Variants in CATSPER4 observed in about 807,000 individuals in gnomAD.
CATSPER4 encodes the protein cation channel sperm associated 4.
Under a neutral mutation model 54.4 loss-of-function variants are expected in CATSPER4, and 46 were observed. The observed-to-expected ratio is 0.84, with a 90% CI of 0.67 to 1.08. The LOEUF (loss-of-function observed/expected upper bound fraction) is 1.08, where lower values mean the gene tolerates loss of function less well. Ranked by LOEUF, CATSPER4 falls within the 50% of genes least tolerant of loss-of-function variation. The probability of loss-of-function intolerance (pLI) is 0.00; values close to 1 mark genes in which losing one functional copy is unlikely to be tolerated. For synonymous variants in CATSPER4, 230 were observed against 231.9 expected, an observed-to-expected ratio of 0.99 and a Z score of 0.08; for missense variants, 574 against 612.8, an observed-to-expected ratio of 0.94 and a Z score of 0.67.
In CATSPER4 at chr1:26,190,646, G is replaced by C. The variant is rs755698319; in HGVS notation, c.19G>C (p.Ala7Pro). MRDNEK[A>P]WWQQWTSHTG... ...AGCAAACATGAGGGATAATGAAAAG[G>C]CCTGGTGGCAGCAATGGACCTCCCA... Residue 7 changes from alanine to proline, a missense_variant, in exon 1 of 10, where the codon GCC becomes CCC. Ala to Pro is a conservative substitution (Grantham distance 27). Coordinates refer to ENST00000456354, the MANE Select transcript of CATSPER4 (RefSeq NM_198137.2). The C allele has an allele frequency of 3.7e-6, 6 of 1,605,008 alleles. No homozygotes were observed. The East Asian group carries it at 1.1e-4, about 30-fold the overall frequency.
intron 4 of CATSPER4, 51 bp downstream of exon 4, chr1:26,197,834 A>C: frequency 6.2e-7 from 1 of 1,604,534 alleles, no homozygotes; most frequent in Non-Finnish European, 8.5e-7. Flanking sequence ...GAACCCAGGA[A>C]TGAGATGGGG....
At position 26,199,950 on chromosome 1, in the gene CATSPER4, C is replaced by T. The variant is rs111643798; in HGVS notation, c.879C>T (p.Ile293=). Reference sequence around the variant, plus strand: ...TCTACTTTACCATCTTCATCACCATCGGTGCCTTCATTGGCATCAACCTGT... The same window carrying T: ...TCTACTTTACCATCTTCATCACCATTGGTGCCTTCATTGGCATCAACCTGT... The part of the protein sequence containing the change: ...GAIYFTIFIT[I]GAFIGINLFV... Residue 293 remains isoleucine, a synonymous_variant, in exon 7 of 10, where the codon ATC becomes ATT. Coordinates refer to ENST00000456354, the MANE Select transcript of CATSPER4 (RefSeq NM_198137.2). 3.7e-5 allele frequency: 60 copies of T among 1,614,156 alleles called. No homozygotes were observed. Among genetic ancestry groups the T allele is most frequent in the African/African-American group, 3.6e-4 (27 of 75,046 alleles).
chr1:26,201,673 TTTTC>T (rs375651717), intron 9 of CATSPER4, 154 bp downstream of exon 9: 32 of 699,302 alleles, frequency 4.6e-5, no homozygotes, highest in Middle Eastern at 5.2e-4. Flanking sequence ...TCTTTTTTCT[TTTTC>T]TTTCTTTCTT....
At chr1:26,195,954 A>G (rs1297262926) in intron 3 of CATSPER4, among the ~76,000 whole-genome samples, 2 of 152,190 alleles carry the variant, frequency 1.3e-5, no homozygotes, top group Non-Finnish European at 1.5e-5. Flanking sequence ...GGGGATAAAC[A>G]TTCAAACTAT....
Position 26,201,377 on chromosome 1 carries a change from TC to T in CATSPER4, c.1225del (p.Arg409AlafsTer11). The T allele has an allele frequency of 1.9e-6, 3 of 1,614,040 alleles. No individual in the cohort carries two copies. Reference sequence around the variant, plus strand: ...AGGATTGTGGAGGAGGTGCGCGCAATCCGCTTCAACCAGGAGCAGGAGTCAG... The same window carrying T: ...AGGATTGTGGAGGAGGTGCGCGCAATCGCTTCAACCAGGAGCAGGAGTCAG... ...LNMIVEEVRA[I>X]RFNQEQESEV... On this transcript the variant is annotated frameshift_variant, in exon 9 of 10. Transcript: ENST00000456354. LOFTEE classifies it high-confidence loss of function.
intron 2 of CATSPER4, 85 bp downstream of exon 2, chr1:26,191,515 G>C: frequency 6.8e-7 from 1 of 1,463,332 alleles, no homozygotes; most frequent in Non-Finnish European, 9.4e-7. Flanking sequence ...CTCCTCATCT[G>C]TCTATGATGG....
Position 26,200,840 on chromosome 1 carries a change from AG to A in CATSPER4, c.1000del (p.Glu334LysfsTer55), listed in dbSNP as rs1198998947. The A allele has an allele frequency of 6.2e-7, 1 of 1,613,622 alleles. No individual in the cohort carries two copies. ...QRITFSETGA[E>X]EEEENDQLPL... ...TCCCCCGCTTCCCAGACAGGCGCAG[AG>A]GAAGAGGAGGAGAATGACCAGCTGC... On this transcript the variant is annotated frameshift_variant, in exon 8 of 10. Transcript: ENST00000456354. LOFTEE classifies it high-confidence loss of function.
At chr1:26,200,409 T>C (rs976299770) in intron 7 of CATSPER4, among the ~76,000 whole-genome samples, 12 of 152,300 alleles carry the variant, frequency 7.9e-5, no homozygotes, top group African/African-American at 2.6e-4. Flanking sequence ...AAATGAACAG[T>C]GCTTGGCGCA....
rs1166061506 is a variant in CATSPER4, at chr1:26,198,206, C to T, written c.679-80C>T. On this transcript the variant is annotated intron_variant, in intron 5 of 9. Coordinates refer to ENST00000456354, the MANE Select transcript of CATSPER4 (RefSeq NM_198137.2). ...TGAATCCCTGTGATTTCCTCAGCAG[C>T]GTTCATTTACATGACATTTGTGTGT... 9 of 1,613,142 alleles carry T rather than the reference C, an allele frequency of 5.6e-6. No individual in the cohort carries two copies. The African/African-American group carries it at 6.7e-5, about 12-fold the overall frequency.
Position 26,197,980 on chromosome 1 carries a change from G to T in CATSPER4, c.581G>T (p.Cys194Phe), listed in dbSNP as rs1319074529. 1.9e-6 allele frequency: 3 copies of T among 1,613,538 alleles called. No homozygotes were observed. Among genetic ancestry groups the T allele is most frequent in the Middle Eastern group, 1.7e-4 (1 of 5,772 alleles). ...AGGGCGCTTCGTCTGGTGCATGTGT[G>T]CATGGCGGTGGAGCCCCTCGCCCGG... ...TLRALRLVHV[C>F]MAVEPLARII... Residue 194 changes from cysteine to phenylalanine, a missense_variant, in exon 5 of 10, where the codon TGC becomes TTC. Cys to Phe is a radical substitution (Grantham distance 205). Coordinates refer to ENST00000456354, the MANE Select transcript of CATSPER4 (RefSeq NM_198137.2).
intron 7 of CATSPER4, 111 bp downstream of exon 7, chr1:26,200,169 C>A: frequency 7.8e-7 from 1 of 1,288,160 alleles, no homozygotes; most frequent in Non-Finnish European, 1.1e-6. Context: ...TGGAGAAAGC[C>A]AAGTTGGAGG....
chr1:26,201,616 T>A, intron 9 of CATSPER4, 97 bp downstream of exon 9: 1 of 1,217,662 alleles, frequency 8.2e-7, no homozygotes, highest in Non-Finnish European at 1.2e-6. Context: ...AGTTTCTGTC[T>A]ATTCCAAGAT....
chr1:26,201,951 A>G (rs546741438), intron 9 of CATSPER4, among the ~76,000 whole-genome samples: 1 of 151,920 alleles, frequency 6.6e-6, no homozygotes, highest in Admixed American at 6.5e-5. Flanking sequence ...GGCCTCCCAA[A>G]GTGCTGGGAT....
chr1:26,201,470 A>T lies in CATSPER4; in HGVS notation c.1316A>T (p.Gln439Leu), dbSNP rs753605966. 1 of 1,613,908 alleles carries T rather than the reference A, an allele frequency of 6.2e-7. No individual in the cohort carries two copies. The highest frequency in any genetic ancestry group is 2.2e-5 in the East Asian group (1 of 44,826). The change falls in exon 9 of 10, where the codon CAG becomes CTG. Residue 439 changes from glutamine to leucine, a missense_variant. Gln to Leu is a moderately radical substitution (Grantham distance 113). Coordinates refer to ENST00000456354, the MANE Select transcript of CATSPER4 (RefSeq NM_198137.2). ...LETTSSKDIRQMSQQQDLLSA... is the reference protein window; with the variant it reads ...LETTSSKDIRLMSQQQDLLSA... ...ACTACGTCATCCAAGGACATCCGCC[A>T]GATGTCTCAACAGCAAGACTTGCTC... is the stretch of plus-strand genomic sequence containing the variant.
intron 3 of CATSPER4, among the ~76,000 whole-genome samples, chr1:26,196,914 T>G (rs796865422): frequency 0.3 from 23,649 of 77,800 alleles, 1,945 homozygotes; most frequent in Middle Eastern, 0.44. Flanking sequence ...CTTTTCTTTC[T>G]TTTTTTTTTT....
At position 26,202,774 on chromosome 1, in the gene CATSPER4, G is replaced by A. The variant is rs1013169004; in HGVS notation, c.*232G>A. On this transcript the variant is annotated 3_prime_UTR_variant, in exon 10 of 10. Transcript: ENST00000456354. ...CTGGATGATGAGAGTGGGAACCCTAGCAGCAAGGATGAGCACAGAAGGGGG... is the reference window on the plus strand; with the variant it reads ...CTGGATGATGAGAGTGGGAACCCTAACAGCAAGGATGAGCACAGAAGGGGG... The A allele has an allele frequency of 1.7e-5, 10 of 590,574 alleles. No individual in the cohort carries two copies. Among genetic ancestry groups the A allele is most frequent in the Admixed American group, 5.9e-5 (2 of 33,994 alleles). The allele number at this position is 590,574 out of a possible 1,614,324, so 36.6% of individuals were successfully genotyped here.
intron 9 of CATSPER4, 139 bp from the exon 10 acceptor site, chr1:26,202,350 G>C: frequency 1.3e-6 from 1 of 760,614 alleles, no homozygotes; most frequent in Non-Finnish European, 2.3e-6. Flanking sequence ...GGGGGTACTA[G>C]GTAGGCTCAA....
chr1:26,195,713 A>G (rs1055446155), intron 3 of CATSPER4, among the ~76,000 whole-genome samples: 3 of 152,132 alleles, frequency 2.0e-5, no homozygotes, highest in Non-Finnish European at 4.4e-5. Flanking sequence ...CGTGTTAGCC[A>G]GGATGATCTT....
rs1410126277 is a variant in CATSPER4, at chr1:26,201,461, A to T, written c.1307A>T (p.Asp436Val). 6.2e-7 allele frequency: 1 copy of T among 1,614,062 alleles called. No individual in the cohort carries two copies. The highest frequency in any genetic ancestry group is 1.7e-5 in the Admixed American group (1 of 60,016). ...SGSLETTSSK[D>V]IRQMSQQQDL... ...TCGTTGGAGACTACGTCATCCAAGG[A>T]CATCCGCCAGATGTCTCAACAGCAA... The change falls in exon 9 of 10, where the codon GAC becomes GTC. Residue 436 changes from aspartate to valine, a missense_variant. Physicochemically the swap from Asp to Val is radical, Grantham distance 152. Coordinates refer to ENST00000456354, the MANE Select transcript of CATSPER4 (RefSeq NM_198137.2).
Sources: gnomAD v4.1 joint callset for allele counts (sites outside exome capture counted in the v4.1 genomes callset) on GRCh38, gnomAD v4.1.1 for gene constraint, MANE v1.5 for transcripts, NCBI Gene and HGNC (gene_info 2026-07-23, HGNC 2026-07-21) for gene names.